DKK2: variants seen among roughly 807,000 people sequenced by gnomAD.
DKK2 encodes dickkopf-related protein 2.
A neutral mutation model predicts 28.1 loss-of-function variants in DKK2; 11 were observed. The ratio of observed to expected loss-of-function variants is 0.39; its 90% confidence interval spans 0.25 to 0.65. DKK2 has a LOEUF of 0.65. DKK2 is among the 30% of genes least tolerant of loss of function. DKK2 has a pLI of 0.47. For missense variants in DKK2, 326 were observed against 335.5 expected (o/e 0.97, Z 0.22); for synonymous variants, 135 against 126.5 (o/e 1.07, Z -0.45).
intron 1 of DKK2, among the ~76,000 whole-genome samples, chr4:106,942,872 C>A (rs1175241285): frequency 6.6e-6 from 1 of 151,962 alleles, no homozygotes; most frequent in African/African-American, 2.4e-5. Flanking sequence ...AAGAAGGAAT[C>A]TACATTACAA....
In DKK2 at chr4:106,959,479, G is replaced by A. The variant is rs983977804; in HGVS notation, c.223-33530C>T. Among the ~76,000 whole-genome samples the A allele has an allele frequency of 5.9e-5, 9 of 151,904 alleles. 1 individual carries two copies. The highest frequency in any genetic ancestry group is 5.9e-4 in the Admixed American group (9 of 15,264). Reference sequence around the variant, plus strand: ...GTCCATTTGAGGCATGCCAAAAATAGGCATGATTCTTCATGCCTATTTTTT... The same window carrying A: ...GTCCATTTGAGGCATGCCAAAAATAAGCATGATTCTTCATGCCTATTTTTT... On this transcript the variant is annotated intron_variant, in intron 1 of 3. Coordinates refer to ENST00000285311, the MANE Select transcript of DKK2 (RefSeq NM_014421.3).
intron 2 of DKK2, 34 bp downstream of exon 2, chr4:106,925,765 A>G: frequency 1.3e-6 from 2 of 1,579,638 alleles, no homozygotes; most frequent in Non-Finnish European, 1.7e-6. Flanking sequence ...GATGAAAAGA[A>G]AGAGGCCCAT....
intron 1 of DKK2, among the ~76,000 whole-genome samples, chr4:107,017,514 T>A (rs1723627763): frequency 6.6e-6 from 1 of 152,028 alleles, no homozygotes. Flanking sequence ...TGTGATACAA[T>A]CTACTTTCCT....
chr4:106,984,226 T>C (rs1028212280), intron 1 of DKK2, among the ~76,000 whole-genome samples: 1 of 152,240 alleles, frequency 6.6e-6, no homozygotes, highest in African/African-American at 2.4e-5. Context: ...TTAACCATTT[T>C]TAAGTGTACA....
chr4:107,025,102 C>T (rs527412168), intron 1 of DKK2, among the ~76,000 whole-genome samples: 8 of 152,222 alleles, frequency 5.3e-5, no homozygotes, highest in East Asian at 1.9e-4. Context: ...CAGAGGTCCA[C>T]GTGAGGTTGA....
At chr4:106,996,444 T>G (rs1212338810) in intron 1 of DKK2, among the ~76,000 whole-genome samples, 5 of 152,202 alleles carry the variant, frequency 3.3e-5, no homozygotes, top group Admixed American at 3.3e-4. Flanking sequence ...TGAATGAAGT[T>G]CTTTTTGAGC....
At chr4:106,937,361 A>T (rs1176768350) in intron 1 of DKK2, among the ~76,000 whole-genome samples, 1 of 134,432 alleles carries the variant, frequency 7.4e-6, no homozygotes, top group Non-Finnish European at 1.6e-5. Context: ...AGATCAAAAG[A>T]GACAAAGAAG....
At chr4:106,962,952 C>T (rs1482265514) in intron 1 of DKK2, among the ~76,000 whole-genome samples, 1 of 152,012 alleles carries the variant, frequency 6.6e-6, no homozygotes, top group African/African-American at 2.4e-5. Flanking sequence ...AGAGGCTACT[C>T]AGGAGGCTGA....
At chr4:107,009,868 T>C (rs974640847) in intron 1 of DKK2, among the ~76,000 whole-genome samples, 2 of 151,854 alleles carry the variant, frequency 1.3e-5, no homozygotes, top group Non-Finnish European at 3.0e-5. Flanking sequence ...AAATGAGTAC[T>C]TGCTAACCAG....
chr4:107,032,420 A>G (rs781526674), intron 1 of DKK2, among the ~76,000 whole-genome samples: 11 of 152,116 alleles, frequency 7.2e-5, no homozygotes, highest in Non-Finnish European at 1.5e-4. Flanking sequence ...ATTCCTGTAA[A>G]TAAGAATGTT....
intron 1 of DKK2, among the ~76,000 whole-genome samples, chr4:107,001,174 A>C (rs1469197739): frequency 1.3e-5 from 2 of 152,172 alleles, no homozygotes; most frequent in Non-Finnish European, 2.9e-5. Flanking sequence ...CCAGCATCAC[A>C]AATCTGTACA....
intron 1 of DKK2, among the ~76,000 whole-genome samples, chr4:106,991,124 T>G (rs1723197709): frequency 6.6e-6 from 1 of 152,342 alleles, no homozygotes; most frequent in African/African-American, 2.4e-5. Flanking sequence ...TGTTACATTT[T>G]ATATGAAACA....
chr4:106,943,687 A>T (rs145108930), intron 1 of DKK2, among the ~76,000 whole-genome samples: 1 of 152,230 alleles, frequency 6.6e-6, no homozygotes, highest in East Asian at 1.9e-4. Flanking sequence ...AAGTACTATC[A>T]TCAGTTCTGC....
intron 1 of DKK2, among the ~76,000 whole-genome samples, chr4:107,001,894 A>G (rs1024603688): frequency 4.2e-4 from 64 of 152,362 alleles, no homozygotes; most frequent in African/African-American, 1.5e-3. Context: ...CAATATGAAT[A>G]AATTAGTGTC....
chr4:107,007,551 G>A (rs913377401), intron 1 of DKK2, among the ~76,000 whole-genome samples: 3 of 152,062 alleles, frequency 2.0e-5, no homozygotes, highest in African/African-American at 7.2e-5. Flanking sequence ...TGGGTGTGAT[G>A]GTGCTACAGT....
At chr4:106,957,003 C>T (rs1256680416) in intron 1 of DKK2, among the ~76,000 whole-genome samples, 296 of 151,196 alleles carry the variant, frequency 2.0e-3, no homozygotes, top group African/African-American at 6.7e-3. Context: ...AACCTACTCA[C>T]CTGACAAAGG....
intron 1 of DKK2, among the ~76,000 whole-genome samples, chr4:107,016,556 T>G (rs1300997404): frequency 6.6e-6 from 1 of 152,006 alleles, no homozygotes; most frequent in Non-Finnish European, 1.5e-5. Context: ...ATTCCTAAAT[T>G]ATTTTTTGGT....
rs1460310569 is a variant in DKK2 at position 106,924,027 on chromosome 4, C to T, written c.707G>A (p.Gly236Asp). 6.2e-7 allele frequency: 1 copy of T among 1,613,952 alleles called. No individual in the cohort carries two copies. Among genetic ancestry groups the T allele is most frequent in the Non-Finnish European group, 8.5e-7 (1 of 1,179,932 alleles). Residue 236 changes from glycine (G) to aspartate (D), a missense_variant, in exon 4 of 4, where the codon GGC (glycine) becomes GAC (aspartate). By Grantham distance (94) the Gly-to-Asp change is moderately conservative. Transcript: ENST00000285311. Reference protein sequence around the residue: ...EIFQRCDCAKGLSCKVWKDAT... With the variant: ...EIFQRCDCAKDLSCKVWKDAT... ...ATCTTTCCATACTTTGCAAGACAGG[C>T]CCTTCGCACAGTCGCAACGCTGGAA...
intron 1 of DKK2, among the ~76,000 whole-genome samples, chr4:107,017,512 A>T (rs1344729457): frequency 6.6e-6 from 1 of 152,032 alleles, no homozygotes; most frequent in African/African-American, 2.4e-5. Flanking sequence ...ACTGTGATAC[A>T]ATCTACTTTC....
Sources: allele counts gnomAD v4.1 joint callset (sites outside exome capture counted in the v4.1 genomes callset), GRCh38; gene constraint gnomAD v4.1.1; transcripts MANE v1.5; gene names NCBI Gene and HGNC (gene_info 2026-07-23, HGNC 2026-07-21).